SRCIN1: variants seen among roughly 807,000 people sequenced by gnomAD.
SRCIN1 encodes SRC kinase signaling inhibitor 1.
Under a neutral mutation model 116.2 loss-of-function variants are expected in SRCIN1, and 50 were observed. The ratio of observed to expected loss-of-function variants is 0.43; its 90% confidence interval spans 0.34 to 0.54. The LOEUF (loss-of-function observed/expected upper bound fraction) is 0.54. SRCIN1 is among the 20% of genes least tolerant of loss of function. SRCIN1 has a pLI of 0.02. For missense variants in SRCIN1, 1,446 were observed against 1,672.0 expected, an observed-to-expected ratio of 0.86 and a Z score of 2.36; for synonymous variants, 736 against 750.0, an observed-to-expected ratio of 0.98 and a Z score of 0.30.
intron 1 of SRCIN1, among the ~76,000 whole-genome samples, chr17:38,589,684 G>A (rs1340160636): frequency 1.3e-5 from 2 of 152,208 alleles, no homozygotes; most frequent in Non-Finnish European, 2.9e-5. Flanking sequence ...CCACCAGGGC[G>A]AGGGGGCCGG....
At chr17:38,548,427 G>A in intron 17 of SRCIN1, 130 bp downstream of exon 17, 1 of 1,138,894 alleles carries the variant, frequency 8.8e-7, no homozygotes, top group Non-Finnish European at 1.3e-6. Context: ...GCTGGGGTCT[G>A]AACAGCCAGC....
chr17:38,578,382 G>C, intron 2 of SRCIN1, 108 bp downstream of exon 2: 15 of 1,316,464 alleles, frequency 1.1e-5, no homozygotes, highest in Non-Finnish European at 1.5e-5. Context: ...TGCTCCAGAT[G>C]CCTCCCAGAG....
rs910294467 is a variant in SRCIN1, at chr17:38,563,061, G to A, written c.741-141C>T. On this transcript the variant is annotated intron_variant, in intron 5 of 18. Transcript: ENST00000617146. The surrounding 1 kb of genome is among the most constrained non-coding windows in gnomAD (Gnocchi z 5.8). ...CTCAGGCTGCCTGCACACACGCCCA[G>A]CAGCCTCCACCCCGGCCTCTTCCTG... 8 of 815,152 alleles carry A rather than the reference G, an allele frequency of 9.8e-6. No homozygotes were observed. The African/African-American group carries it at 1.4e-4, about 14-fold the overall frequency. 50.5% of individuals were successfully genotyped at this position (815,152 alleles called of 1,614,324 possible). A position where few individuals can be genotyped will look rare whatever the true frequency, so the allele number is the denominator to read the frequency against.
intron 1 of SRCIN1, among the ~76,000 whole-genome samples, chr17:38,582,386 C>T (rs1410780933): frequency 6.6e-6 from 1 of 152,166 alleles, no homozygotes; most frequent in Admixed American, 6.5e-5. Context: ...GTCCCAGCTC[C>T]CAGCTGCTGG....
rs1455341059 is a variant in SRCIN1, at chr17:38,604,769, G to A, written c.22+915C>T. Among the ~76,000 whole-genome samples, 1 of 152,114 alleles carries A rather than the reference G, an allele frequency of 6.6e-6. No homozygotes were observed. Reference sequence around the variant, plus strand: ...GGCCCGGGAGCTTCTGACGTAGCAGGGGGGTGCGTGGGAGGGGAGGGGGGG... The same window carrying A: ...GGCCCGGGAGCTTCTGACGTAGCAGAGGGGTGCGTGGGAGGGGAGGGGGGG... On this transcript the variant is annotated intron_variant, in intron 1 of 18. Coordinates refer to ENST00000617146, the MANE Select transcript of SRCIN1 (RefSeq NM_025248.3). The surrounding 1 kb of genome is among the most constrained non-coding windows in gnomAD (Gnocchi z 4.3).
Position 38,551,952 on chromosome 17 carries a change from C to A in SRCIN1, c.2661G>T (p.Gly887=). The change falls in exon 14 of 19, where the codon GGG becomes GGT. Residue 887 remains glycine (G), a synonymous_variant. Transcript: ENST00000617146. ...TGTCCAGGCCTTTGGTGGGGTTGCC[C>A]CCCTTGGGGGTAAGAGAGGCTCCTT... is the stretch of plus-strand genomic sequence containing the variant. ...PAEGASLTPK[G]GNPTKGLDTP... is the part of the protein sequence containing the mutation. The A allele has an allele frequency of 6.2e-7, 1 of 1,614,060 alleles. No homozygotes were observed. The highest frequency in any genetic ancestry group is 8.5e-7 in the Non-Finnish European group (1 of 1,179,910).
At chr17:38,559,315 G>T in intron 10 of SRCIN1, 1 of 532,284 alleles carries the variant, frequency 1.9e-6, no homozygotes, top group South Asian at 2.5e-5. Context: ...GGGCGATGGG[G>T]ACTCAGGGAA....
At position 38,572,392 on chromosome 17, in the gene SRCIN1, G is replaced by A. The variant is rs1484339041; in HGVS notation, c.325-4161C>T. Among the ~76,000 whole-genome samples the A allele has an allele frequency of 6.6e-6, 1 of 152,176 alleles. No individual in the cohort carries two copies. The highest frequency in any genetic ancestry group is 1.5e-5 in the Non-Finnish European group (1 of 68,014). The stretch of plus-strand genomic sequence containing the variant: ...TGGGTGGGGGTGCTGTGGGACGCTG[G>A]GGAAGAGGGCGCACCCCGGGAAGGT... On this transcript the variant is annotated intron_variant, in intron 2 of 18. Coordinates refer to ENST00000617146, the MANE Select transcript of SRCIN1 (RefSeq NM_025248.3). This position sits in a 1 kb window ranked among gnomAD's most constrained non-coding sequence, Gnocchi z 4.3.
chr17:38,533,967 G>A (rs1035720310), intron 18 of SRCIN1, among the ~76,000 whole-genome samples: 3 of 149,796 alleles, frequency 2.0e-5, no homozygotes, highest in Non-Finnish European at 3.0e-5. Context: ...CAAAGACCCC[G>A]TCCACCACCA....
At chr17:38,554,351 T>C (rs549063876) in intron 11 of SRCIN1, among the ~76,000 whole-genome samples, 3 of 152,336 alleles carry the variant, frequency 2.0e-5, no homozygotes, top group African/African-American at 4.8e-5. Context: ...CCTCATCTCA[T>C]CTGGCTTCTG....
rs1904935419 is a variant in SRCIN1 at position 38,544,228 on chromosome 17, T to C, written c.3271-259A>G. Among the ~76,000 whole-genome samples, 2 of 152,124 alleles carry C rather than the reference T, an allele frequency of 1.3e-5. 1 individual carries two copies. Among genetic ancestry groups the C allele is most frequent in the South Asian group, 4.1e-4 (2 of 4,830 alleles). On this transcript the variant is annotated intron_variant, in intron 17 of 18. Coordinates refer to ENST00000617146, the MANE Select transcript of SRCIN1 (RefSeq NM_025248.3). This position sits in a 1 kb window ranked among gnomAD's most constrained non-coding sequence, Gnocchi z 4.5. ...TCTTGAGGGAGAGCTCTTCGGTGGC[T>C]TCCTTGAGTAGCTCAGGGGCAGCTG...
Position 38,558,457 on chromosome 17 carries a change from G to A in SRCIN1, c.2026-55C>T. ...GTGGGGGGAGCGGAGCCGCGAGGCA[G>A]GGGAAGGGCCGGGAGAAGGCGGGTA... On this transcript the variant is annotated intron_variant, in intron 10 of 18. Transcript: ENST00000617146. The surrounding 1 kb of genome is among the most constrained non-coding windows in gnomAD (Gnocchi z 4.6). 1.3e-6 allele frequency: 2 copies of A among 1,532,584 alleles called. No homozygotes were observed. The highest frequency in any genetic ancestry group is 2.4e-5 in the South Asian group (2 of 84,902). The allele number at this position is 1,532,584 out of a possible 1,614,324, so 94.9% of individuals were successfully genotyped here.
chr17:38,553,650 T>C (rs1905593992), intron 11 of SRCIN1, among the ~76,000 whole-genome samples: 1 of 152,164 alleles, frequency 6.6e-6, no homozygotes, highest in African/African-American at 2.4e-5. Context: ...ACTTGTGTCA[T>C]TTGAGACCCT....
At chr17:38,587,735 C>T (rs1475989450) in intron 1 of SRCIN1, among the ~76,000 whole-genome samples, 8 of 152,118 alleles carry the variant, frequency 5.3e-5, no homozygotes, top group South Asian at 2.1e-4. Context: ...CGCAGCAGCC[C>T]GGCCGACAGG....
chr17:38,593,774 G>A (rs1908569312), intron 1 of SRCIN1, among the ~76,000 whole-genome samples: 1 of 152,128 alleles, frequency 6.6e-6, no homozygotes, highest in African/African-American at 2.4e-5. Flanking sequence ...CACAGAGGGA[G>A]CACAGGTCTC....
At chr17:38,600,016 T>C (rs1427616167) in intron 1 of SRCIN1, among the ~76,000 whole-genome samples, 3 of 152,252 alleles carry the variant, frequency 2.0e-5, no homozygotes, top group Non-Finnish European at 4.4e-5. Context: ...GTTTAGTATA[T>C]GTCCGGCACT....
At chr17:38,582,192 A>C (rs774710310) in intron 1 of SRCIN1, among the ~76,000 whole-genome samples, 11 of 152,144 alleles carry the variant, frequency 7.2e-5, no homozygotes, top group Non-Finnish European at 1.3e-4. Context: ...TCCTGGAGCC[A>C]AAAGAGCTCC....
chr17:38,549,331 G>A (rs1905253595), intron 15 of SRCIN1, 121 bp from the exon 16 acceptor site: 16 of 999,146 alleles, frequency 1.6e-5, no homozygotes, highest in Non-Finnish European at 2.1e-5. Context: ...GGAGGTGAGA[G>A]GAAAGCCTGG....
At position 38,558,410 on chromosome 17, in the gene SRCIN1, A is replaced by G. The variant is rs1307631691; in HGVS notation, c.2026-8T>C. ...CGACTCCTGGTTCTGTAGCTGCGGG[A>G]CGCACGGACGGATGGACCCGGGTGG... is the stretch of plus-strand genomic sequence containing the variant. On this transcript the variant is annotated splice_polypyrimidine_tract_variant and splice_region_variant and intron_variant, in intron 10 of 18. Transcript: ENST00000617146. This position sits in a 1 kb window ranked among gnomAD's most constrained non-coding sequence, Gnocchi z 4.6. 1.9e-6 allele frequency: 3 copies of G among 1,588,260 alleles called. No homozygotes were observed. In the African/African-American group the frequency reaches 4.0e-5, roughly 21 times the overall value.
Sources: gnomAD v4.1 joint callset for allele counts (sites outside exome capture counted in the v4.1 genomes callset) on GRCh38, gnomAD v4.1.1 for gene constraint, Gnocchi (gnomAD v3.1) non-coding constraint, MANE v1.5 for transcripts, NCBI Gene and HGNC (gene_info 2026-07-23, HGNC 2026-07-21) for gene names.